The following LRRC4C variants were observed in gnomAD, a reference collection of about 807,000 sequenced individuals.
LRRC4C encodes leucine rich repeat containing 4C.
A neutral mutation model predicts 33.6 loss-of-function variants in LRRC4C; 5 were observed. The ratio of observed to expected loss-of-function variants is 0.15; its 90% CI spans 0.08 to 0.31. The LOEUF is 0.31. Among genes scored for constraint, LRRC4C ranks in the 10% least tolerant of loss-of-function variants. The pLI, the probability that LRRC4C is intolerant of heterozygous loss-of-function variation, is 1.00. For missense variants in LRRC4C, 560 were observed against 796.7 expected, an observed-to-expected ratio of 0.70 and a Z score of 3.58; for synonymous variants, 329 against 302.0, an observed-to-expected ratio of 1.09 and a Z score of -0.93.
chr11:40,126,240 A>T (rs934985746), intron 6 of LRRC4C, among the ~76,000 whole-genome samples: 1 of 151,384 alleles, frequency 6.6e-6, no homozygotes, highest in Non-Finnish European at 1.5e-5. Flanking sequence ...GGAAGAATGT[A>T]TAATATATTC....
At chr11:40,421,939 C>T (rs898442927) in intron 3 of LRRC4C, among the ~76,000 whole-genome samples, 1 of 152,236 alleles carries the variant, frequency 6.6e-6, no homozygotes, top group Non-Finnish European at 1.5e-5. Flanking sequence ...ACTGCAAAGT[C>T]ATCCTCCTTG....
chr11:41,233,692 AAC>A (rs1947900099), intron 1 of LRRC4C, among the ~76,000 whole-genome samples: 1 of 152,068 alleles, frequency 6.6e-6, no homozygotes, highest in Non-Finnish European at 1.5e-5. Context: ...TGATAAACTA[AAC>A]ACAGATTTTG....
chr11:40,940,303 T>C (rs1420176829), intron 1 of LRRC4C, among the ~76,000 whole-genome samples: 2 of 152,116 alleles, frequency 1.3e-5, no homozygotes, highest in African/African-American at 2.4e-5. Context: ...TTTAGAATAG[T>C]ATATTATTAT....
chr11:41,326,079 A>G (rs1216116288), intron 1 of LRRC4C, among the ~76,000 whole-genome samples: 2 of 150,490 alleles, frequency 1.3e-5, no homozygotes, highest in East Asian at 3.9e-4. Context: ...AAGGAGATTA[A>G]CATTTGAGTC....
intron 2 of LRRC4C, among the ~76,000 whole-genome samples, chr11:40,772,304 T>A (rs1457512103): frequency 1.3e-5 from 2 of 152,186 alleles, no homozygotes; most frequent in African/African-American, 4.8e-5. Context: ...CTCACTATCA[T>A]GAGAAGAGCA....
chr11:41,053,063 C>A (rs1237120552), intron 1 of LRRC4C, among the ~76,000 whole-genome samples: 1 of 152,152 alleles, frequency 6.6e-6, no homozygotes, highest in Non-Finnish European at 1.5e-5. Context: ...AGGCAAGAGC[C>A]ATTGATTCCC....
chr11:41,323,555 T>C (rs1327187357), intron 1 of LRRC4C, among the ~76,000 whole-genome samples: 1 of 152,200 alleles, frequency 6.6e-6, no homozygotes, highest in African/African-American at 2.4e-5. Context: ...AAATCTGAAA[T>C]ACATTACAAA....
intron 4 of LRRC4C, among the ~76,000 whole-genome samples, chr11:40,276,473 T>C (rs907522724): frequency 6.6e-6 from 1 of 152,172 alleles, no homozygotes; most frequent in African/African-American, 2.4e-5. Flanking sequence ...AGGTGTTCAT[T>C]CAAATATGGA....
intron 1 of LRRC4C, among the ~76,000 whole-genome samples, chr11:41,102,969 A>T (rs1331730487): frequency 6.6e-6 from 1 of 151,986 alleles, no homozygotes. Context: ...CAATAACTGA[A>T]TGTCAATTCA....
intron 1 of LRRC4C, among the ~76,000 whole-genome samples, chr11:40,986,718 A>G (rs1196151039): frequency 6.6e-6 from 1 of 152,214 alleles, no homozygotes; most frequent in Non-Finnish European, 1.5e-5. Flanking sequence ...CTGTTCCATC[A>G]TAAAAAAACA....
chr11:40,590,794 G>T (rs1161753552), intron 3 of LRRC4C, among the ~76,000 whole-genome samples: 1 of 152,114 alleles, frequency 6.6e-6, no homozygotes, highest in African/African-American at 2.4e-5. Flanking sequence ...CTGCTCGGGG[G>T]TCAGGGGTCA....
intron 1 of LRRC4C, among the ~76,000 whole-genome samples, chr11:40,965,486 G>A (rs904437895): frequency 2.0e-5 from 3 of 152,058 alleles, no homozygotes; most frequent in Non-Finnish European, 4.4e-5. Context: ...TTCTTCTAGG[G>A]TTTTTATGGT....
At chr11:40,617,251 T>A (rs1961954918) in intron 3 of LRRC4C, among the ~76,000 whole-genome samples, 1 of 151,822 alleles carries the variant, frequency 6.6e-6, no homozygotes, top group South Asian at 2.1e-4. Flanking sequence ...GTAAATAGCA[T>A]GCATTTTATC....
intron 3 of LRRC4C, among the ~76,000 whole-genome samples, chr11:40,593,128 A>C (rs1228948979): frequency 6.6e-6 from 1 of 152,212 alleles, no homozygotes. Context: ...TCAGGACTAG[A>C]TGTGCAGAGA....
At chr11:40,706,716 C>CT (rs1376449585) in intron 2 of LRRC4C, among the ~76,000 whole-genome samples, 1 of 152,094 alleles carries the variant, frequency 6.6e-6, no homozygotes, top group African/African-American at 2.4e-5. Flanking sequence ...TCCATATGAA[C>CT]TTTAAGGTAG....
At chr11:41,277,546 C>A (rs947995512) in intron 1 of LRRC4C, among the ~76,000 whole-genome samples, 60 of 152,182 alleles carry the variant, frequency 3.9e-4, no homozygotes, top group African/African-American at 1.4e-3. Context: ...GTAATCTTTG[C>A]TTTGCTTTGA....
chr11:40,437,874 A>G (rs913115817), intron 3 of LRRC4C, among the ~76,000 whole-genome samples: 2 of 151,994 alleles, frequency 1.3e-5, no homozygotes, highest in Non-Finnish European at 2.9e-5. Flanking sequence ...CGCCTGACTA[A>G]TTTTTGTATT....
At chr11:41,100,996 A>C (rs908200757) in intron 1 of LRRC4C, among the ~76,000 whole-genome samples, 2 of 152,226 alleles carry the variant, frequency 1.3e-5, no homozygotes, top group South Asian at 2.1e-4. Flanking sequence ...CATATACAAA[A>C]GTCAACTCAA....
chr11:40,143,171 A>G (rs1221414759), intron 5 of LRRC4C, among the ~76,000 whole-genome samples: 1 of 152,030 alleles, frequency 6.6e-6, no homozygotes, highest in Non-Finnish European at 1.5e-5. Flanking sequence ...TTTTCTCCAA[A>G]CACATCTATT....
Sources: allele counts gnomAD v4.1 joint callset (sites outside exome capture counted in the v4.1 genomes callset), GRCh38; gene constraint gnomAD v4.1.1; transcripts MANE v1.5; gene names NCBI Gene and HGNC (gene_info 2026-07-23, HGNC 2026-07-21).